Variants in BANK1 observed in about 807,000 individuals in gnomAD.
BANK1 encodes B cell scaffold protein with ankyrin repeats 1.
A neutral mutation model predicts 94.5 loss-of-function variants in BANK1; 95 were observed. That is an observed-to-expected ratio of 1.00 (90% CI 0.85 to 1.19). BANK1 has a LOEUF of 1.19. BANK1 is among the 50% of genes most tolerant of loss of function. BANK1 has a pLI of 0.00. For missense variants in BANK1, 987 were observed against 932.2 expected, an observed-to-expected ratio of 1.06 and a Z score of -0.77; for synonymous variants, 334 against 308.4, an observed-to-expected ratio of 1.08 and a Z score of -0.87.
In BANK1 at chr4:102,043,886, T is replaced by C. The variant is rs3113676; in HGVS notation, c.1948T>C (p.Cys650Arg). 1,580,726 of 1,599,810 alleles carry C rather than the reference T, an allele frequency of 0.99. 780,967 individuals carry two copies. The highest frequency in any genetic ancestry group is 1 in the East Asian group (44,699 of 44,700). The change falls in exon 11 of 17, where the codon TGT (cysteine) becomes CGT (arginine). Residue 650 changes from cysteine to arginine, a missense_variant. Coordinates refer to ENST00000322953, the MANE Select transcript of BANK1 (RefSeq NM_017935.5). ...ARRQSDDDKF[C>R]GLPKKQDRAR... is the part of the protein sequence containing the mutation. Reference sequence around the variant, plus strand: ...AAGACAATCTGATGATGACAAGTTCTGTGGTCTTCCTAAGAAACAAGGTAC... The same window carrying C: ...AAGACAATCTGATGATGACAAGTTCCGTGGTCTTCCTAAGAAACAAGGTAC...
intron 1 of BANK1, among the ~76,000 whole-genome samples, chr4:101,819,408 C>T (rs956903917): frequency 1.1e-4 from 17 of 152,056 alleles, no homozygotes; most frequent in African/African-American, 4.1e-4. Context: ...TATGAATTTC[C>T]ATTATAGCAA....
rs764448596 is a variant in BANK1 at position 101,970,556 on chromosome 4, G to A, written c.1207-50958G>A. Among the ~76,000 whole-genome samples, 110 of 152,196 alleles carry A rather than the reference G, an allele frequency of 7.2e-4. 2 individuals are homozygous for A. The highest frequency in any genetic ancestry group is 1.2e-3 in the South Asian group (6 of 4,822). On this transcript the variant is annotated intron_variant, in intron 7 of 16. Coordinates refer to ENST00000322953, the MANE Select transcript of BANK1 (RefSeq NM_017935.5). Reference sequence around the variant, plus strand: ...AACCAAACAGCAAACAAGCTTGGACGTAAGATACTCTTAACTTTGTTTCAG... The same window carrying A: ...AACCAAACAGCAAACAAGCTTGGACATAAGATACTCTTAACTTTGTTTCAG...
At chr4:102,033,003 G>T (rs1434998275) in intron 10 of BANK1, among the ~76,000 whole-genome samples, 1 of 151,980 alleles carries the variant, frequency 6.6e-6, no homozygotes, top group Non-Finnish European at 1.5e-5. Flanking sequence ...TTTTTCATTG[G>T]ATGGCCCCAA....
chr4:102,044,023 C>G (rs1424827306), intron 11 of BANK1, 116 bp downstream of exon 11: 1 of 570,298 alleles, frequency 1.8e-6, no homozygotes, highest in African/African-American at 1.9e-5. Flanking sequence ...CTTTATAAAT[C>G]TTACTCTTTT....
At chr4:102,057,358 C>G (rs574245697) in intron 11 of BANK1, among the ~76,000 whole-genome samples, 1 of 136,926 alleles carries the variant, frequency 7.3e-6, no homozygotes, top group Non-Finnish European at 1.5e-5. Flanking sequence ...CTCGCTTTCT[C>G]TCTCTCTCTC....
At chr4:101,870,693 A>T in intron 5 of BANK1, 49 bp downstream of exon 5, 3 of 1,564,988 alleles carry the variant, frequency 1.9e-6, no homozygotes, top group Non-Finnish European at 2.6e-6. Flanking sequence ...CTGAAGAGCT[A>T]ATGAAGGATA....
chr4:101,882,836 C>T (rs1213358998), intron 5 of BANK1, among the ~76,000 whole-genome samples: 1 of 152,202 alleles, frequency 6.6e-6, no homozygotes, highest in African/African-American at 2.4e-5. Flanking sequence ...TATGTGGGCA[C>T]TCTGTGTATG....
rs936879888 is a variant in BANK1 at position 101,896,489 on chromosome 4, A to C, written c.1009+1079A>C. On this transcript the variant is annotated intron_variant, in intron 6 of 16. Coordinates refer to ENST00000322953, the MANE Select transcript of BANK1 (RefSeq NM_017935.5). ...TTGTGATTCACCTAGATTTGTGAGA[A>C]GCTGCATAATGGTGAGGTTCCGTTA... Among the ~76,000 whole-genome samples, 7 of 151,972 alleles carry C rather than the reference A, an allele frequency of 4.6e-5. 1 individual carries two copies. The highest frequency in any genetic ancestry group is 1.7e-4 in the African/African-American group (7 of 41,430).
chr4:101,877,392 C>T (rs963372637), intron 5 of BANK1, among the ~76,000 whole-genome samples: 2 of 152,096 alleles, frequency 1.3e-5, no homozygotes, highest in South Asian at 2.1e-4. Context: ...AACTGTAACA[C>T]TGTAAGTGTG....
intron 1 of BANK1, among the ~76,000 whole-genome samples, chr4:101,807,705 G>A (rs1251625035): frequency 6.6e-6 from 1 of 152,092 alleles, no homozygotes; most frequent in Admixed American, 6.5e-5. Flanking sequence ...TGTTATCCAC[G>A]TGTTACAAGC....
intron 7 of BANK1, among the ~76,000 whole-genome samples, chr4:101,968,148 C>T (rs567299940): frequency 3.3e-5 from 5 of 151,888 alleles, no homozygotes; most frequent in East Asian, 3.9e-4. Context: ...GGGGAGAGGG[C>T]GGGGCATTAG....
chr4:101,852,807 G>C (rs758577351), intron 2 of BANK1, among the ~76,000 whole-genome samples: 29 of 151,868 alleles, frequency 1.9e-4, no homozygotes, highest in Non-Finnish European at 2.9e-4. Context: ...AATATTCATA[G>C]AGATAAATCT....
intron 10 of BANK1, among the ~76,000 whole-genome samples, chr4:102,033,514 C>A (rs1727398569): frequency 6.6e-6 from 1 of 152,174 alleles, no homozygotes; most frequent in African/African-American, 2.4e-5. Context: ...AAACCTGTGT[C>A]CTAAGTATGT....
chr4:102,002,828 G>A (rs1383642136), intron 7 of BANK1, among the ~76,000 whole-genome samples: 7 of 152,162 alleles, frequency 4.6e-5, no homozygotes, highest in Non-Finnish European at 8.8e-5. Context: ...ATACTAGAGT[G>A]CAGTGGTGCA....
rs1208270091 is a variant in BANK1 at position 102,072,407 on chromosome 4, T to G, written c.2298+7T>G. On this transcript the variant is annotated splice_region_variant and intron_variant, in intron 15 of 16. Coordinates refer to ENST00000322953, the MANE Select transcript of BANK1 (RefSeq NM_017935.5). ...TGTACACTTCAGCAATAAGGTAGGT[T>G]GTATTTATTTTGATTTCTATAAAAT... 6.4e-7 allele frequency: 1 copy of G among 1,573,844 alleles called. No individual in the cohort carries two copies. The highest frequency in any genetic ancestry group is 8.7e-7 in the Non-Finnish European group (1 of 1,148,206).
intron 11 of BANK1, among the ~76,000 whole-genome samples, chr4:102,045,910 A>G (rs1255908280): frequency 1.3e-5 from 2 of 151,594 alleles, no homozygotes; most frequent in Middle Eastern, 3.2e-3. Context: ...TCAAGCTACC[A>G]ATGACTTTCT....
intron 10 of BANK1, among the ~76,000 whole-genome samples, chr4:102,034,218 A>C (rs972719398): frequency 1.3e-5 from 2 of 152,170 alleles, no homozygotes; most frequent in Non-Finnish European, 2.9e-5. Flanking sequence ...GGAATAGAAG[A>C]TAGAGGAAAA....
chr4:101,895,783 A>T lies in BANK1; in HGVS notation c.1009+373A>T, dbSNP rs892959044. ...TAATTGATTATACATATTTTCATAC[A>T]TCTATTAACGTGACCACCAGAAATT... On this transcript the variant is annotated intron_variant, in intron 6 of 16. Transcript: ENST00000322953. 2.0e-5 allele frequency among the ~76,000 whole-genome samples: 3 copies of T among 151,898 alleles called. No homozygotes were observed. In the East Asian group the frequency reaches 5.8e-4, roughly 29 times the overall value.
chr4:101,918,214 C>G, intron 7 of BANK1, 25 bp downstream of exon 7: 1 of 1,477,790 alleles, frequency 6.8e-7, no homozygotes, highest in South Asian at 1.3e-5. Flanking sequence ...TAAATTATAT[C>G]TCTGTATATT....
Sources: allele counts gnomAD v4.1 joint callset (sites outside exome capture counted in the v4.1 genomes callset), GRCh38; gene constraint gnomAD v4.1.1; transcripts MANE v1.5; gene names NCBI Gene and HGNC (gene_info 2026-07-23, HGNC 2026-07-21).